The following NINJ1 variants were observed in gnomAD, a reference collection of about 807,000 sequenced individuals.
NINJ1 encodes ninjurin 1.
A neutral mutation model predicts 12.7 loss-of-function variants in NINJ1; 6 were observed. The observed-to-expected ratio is 0.47, with a 90% CI of 0.26 to 0.93. The LOEUF is 0.93. Among genes scored for constraint, NINJ1 ranks in the 40% least tolerant of loss-of-function variants. The pLI, the probability that NINJ1 is intolerant of heterozygous loss-of-function variation, is 0.15. For missense variants in NINJ1, 170 were observed against 213.0 expected, an observed-to-expected ratio of 0.80 and a Z score of 1.26; for synonymous variants, 100 against 96.0, an observed-to-expected ratio of 1.04 and a Z score of -0.25.
At chr9:93,130,265 T>G (rs1041809135) in intron 1 of NINJ1, among the ~76,000 whole-genome samples, 2 of 152,134 alleles carry the variant, frequency 1.3e-5, no homozygotes, top group African/African-American at 4.8e-5. Flanking sequence ...GCCTCCCCAC[T>G]GCAGGCTGCA....
Position 93,130,603 on chromosome 9 carries a change from C to G in NINJ1, c.75+3540G>C, listed in dbSNP as rs149802777. Among the ~76,000 whole-genome samples, 1,217 of 152,326 alleles carry G rather than the reference C, an allele frequency of 8.0e-3. 15 individuals are homozygous for G. Among genetic ancestry groups the G allele is most frequent in the African/African-American group, 0.028 (1,152 of 41,550 alleles). ...ACTGACCACTCTATGCCTCAGTTTCCTCATTTGTAAAATGGGTAGACAAGG... is the reference window on the plus strand; with the variant it reads ...ACTGACCACTCTATGCCTCAGTTTCGTCATTTGTAAAATGGGTAGACAAGG... On this transcript the variant is annotated intron_variant, in intron 1 of 3. Transcript: ENST00000375446.
At chr9:93,123,303 G>A (rs753249447) in intron 3 of NINJ1, among the ~76,000 whole-genome samples, 3 of 150,952 alleles carry the variant, frequency 2.0e-5, no homozygotes, top group Middle Eastern at 3.2e-3. Context: ...TTTTTTTCCC[G>A]AGATGGAGTC....
chr9:93,133,836 T>C (rs1292464747), intron 1 of NINJ1, among the ~76,000 whole-genome samples: 1 of 152,072 alleles, frequency 6.6e-6, no homozygotes, highest in Non-Finnish European at 1.5e-5. Context: ...CGGCAGTCCT[T>C]AGCCCGAGGA....
chr9:93,124,871 AG>A (rs1388485275), intron 3 of NINJ1, 27 bp downstream of exon 3: 2 of 1,575,088 alleles, frequency 1.3e-6, no homozygotes. Flanking sequence ...CCAGGACTGC[AG>A]GCCTCGCGCC....
chr9:93,126,832 C>A (rs2130748992), intron 1 of NINJ1, among the ~76,000 whole-genome samples, 194 bp from the exon 2 acceptor site: 1 of 152,292 alleles, frequency 6.6e-6, no homozygotes, highest in East Asian at 1.9e-4. Flanking sequence ...ATAAAACCTC[C>A]CCTAGGAATA....
intron 1 of NINJ1, among the ~76,000 whole-genome samples, chr9:93,129,556 G>C (rs1010203689): frequency 6.6e-6 from 1 of 152,180 alleles, no homozygotes; most frequent in Non-Finnish European, 1.5e-5. Context: ...AGCCCAGCCC[G>C]TGGCCCTGAC....
intron 1 of NINJ1, among the ~76,000 whole-genome samples, chr9:93,133,574 G>A (rs904503458): frequency 1.9e-4 from 29 of 152,214 alleles, no homozygotes; most frequent in African/African-American, 7.0e-4. Context: ...GCTGTGTGAC[G>A]TTTCTATTTC....
intron 1 of NINJ1, among the ~76,000 whole-genome samples, chr9:93,133,684 T>G (rs1194142701): frequency 6.6e-6 from 1 of 152,224 alleles, no homozygotes; most frequent in Non-Finnish European, 1.5e-5. Context: ...CGTAACTGTC[T>G]GCATGCAGCT....
At position 93,127,681 on chromosome 9, in the gene NINJ1, C is replaced by T. The variant is rs575803605; in HGVS notation, c.76-1043G>A. Among the ~76,000 whole-genome samples, 49 of 152,344 alleles carry T rather than the reference C, an allele frequency of 3.2e-4. No individual in the cohort carries two copies. In the South Asian group the frequency reaches 9.7e-3, roughly 30 times the overall value. On this transcript the variant is annotated intron_variant, in intron 1 of 3. Transcript: ENST00000375446. Reference sequence around the variant, plus strand: ...GGACAAACCTGCCAGCCCCTTGGCCCGGCCCTTTGTCCACAGGCGCCCCTG... The same window carrying T: ...GGACAAACCTGCCAGCCCCTTGGCCTGGCCCTTTGTCCACAGGCGCCCCTG...
At chr9:93,123,029 A>G (rs1446538137) in intron 3 of NINJ1, among the ~76,000 whole-genome samples, 4 of 152,228 alleles carry the variant, frequency 2.6e-5, no homozygotes, top group Non-Finnish European at 4.4e-5. Context: ...CGGACCCCAC[A>G]TGGGGCCGCC....
intron 1 of NINJ1, among the ~76,000 whole-genome samples, chr9:93,128,798 G>C (rs2130750686): frequency 6.6e-6 from 1 of 152,302 alleles, no homozygotes; most frequent in Admixed American, 6.5e-5. Context: ...CGTGTTCCTA[G>C]TCACAAAAGC....
chr9:93,130,264 C>A (rs1251238611), intron 1 of NINJ1, among the ~76,000 whole-genome samples: 1 of 152,196 alleles, frequency 6.6e-6, no homozygotes, highest in African/African-American at 2.4e-5. Flanking sequence ...GGCCTCCCCA[C>A]TGCAGGCTGC....
chr9:93,130,748 T>C (rs1341775423), intron 1 of NINJ1, among the ~76,000 whole-genome samples: 1 of 152,036 alleles, frequency 6.6e-6, no homozygotes, highest in African/African-American at 2.4e-5. Context: ...AGACTCTGCC[T>C]CCCCGACCAA....
At chr9:93,124,488 T>C (rs1827780145) in intron 3 of NINJ1, among the ~76,000 whole-genome samples, 1 of 152,132 alleles carries the variant, frequency 6.6e-6, no homozygotes, top group South Asian at 2.1e-4. Context: ...TTGGCGAGGC[T>C]GGTCTCGAAC....
intron 1 of NINJ1, among the ~76,000 whole-genome samples, chr9:93,128,035 G>A (rs768364613): frequency 3.9e-5 from 6 of 152,208 alleles, no homozygotes; most frequent in African/African-American, 9.6e-5. Context: ...GAGAGTGGGC[G>A]TCAGGGGACA....
At chr9:93,128,061 G>A (rs1250859717) in intron 1 of NINJ1, among the ~76,000 whole-genome samples, 2 of 152,220 alleles carry the variant, frequency 1.3e-5, no homozygotes, top group African/African-American at 4.8e-5. Context: ...GGGCTCTGCT[G>A]CTTACACCTG....
chr9:93,129,979 C>CGGGGGACCCAGCTACCACAGGTG (rs1827867669), intron 1 of NINJ1, among the ~76,000 whole-genome samples: 2 of 152,144 alleles, frequency 1.3e-5, no homozygotes, highest in Non-Finnish European at 2.9e-5. Context: ...TGAGGGTGGC[C>CGGGGGACCCAGCTACCACAGGTG]GGGGGACCCA....
chr9:93,127,003 C>G (rs954210095), intron 1 of NINJ1, among the ~76,000 whole-genome samples: 25 of 152,234 alleles, frequency 1.6e-4, no homozygotes, highest in African/African-American at 5.5e-4. Flanking sequence ...TCCCCCTCCC[C>G]TCAGAGTCTG....
chr9:93,129,996 A>C (rs1020420983), intron 1 of NINJ1, among the ~76,000 whole-genome samples: 1 of 152,172 alleles, frequency 6.6e-6, no homozygotes, highest in African/African-American at 2.4e-5. Flanking sequence ...CCCAGCTACC[A>C]CAGGTGAGGG....
Sources: gnomAD v4.1 joint callset for allele counts (sites outside exome capture counted in the v4.1 genomes callset) on GRCh38, gnomAD v4.1.1 for gene constraint, MANE v1.5 for transcripts, NCBI Gene and HGNC (gene_info 2026-07-23, HGNC 2026-07-21) for gene names.